Variants in METTL6 observed in about 807,000 individuals in gnomAD.
METTL6 encodes methyltransferase 6, tRNA N3-cytidine, also known as tRNA N(3)-cytidine methyltransferase METTL6.
In METTL6, 22 loss-of-function variants were observed where a neutral mutation model predicts 26.4. That is an observed-to-expected ratio of 0.83 (90% CI 0.59 to 1.19). The LOEUF is 1.19. Ranked by LOEUF, METTL6 falls within the 50% of genes most tolerant of loss-of-function variation. The pLI is 0.00. For synonymous variants in METTL6, 109 were observed against 116.2 expected (o/e 0.94, Z 0.40); for missense variants, 304 against 324.8 (o/e 0.94, Z 0.49).
chr3:15,414,357 C>T, intron 4 of METTL6, 195 bp from the exon 5 acceptor site: 12 of 1,118,540 alleles, frequency 1.1e-5, no homozygotes, highest in South Asian at 4.6e-5. Flanking sequence ...TAAGACACTT[C>T]TTTTTTTTTT....
Position 15,410,890 on chromosome 3 carries a change from A to C in METTL6, c.*366T>G, listed in dbSNP as rs551889554. ...GTCTCAAAAAATATATAAAGTAAAA[A>C]GAGTGATTTTATTTATTTATGAAAC... is the stretch of plus-strand genomic sequence containing the variant. On this transcript the variant is annotated 3_prime_UTR_variant, in exon 6 of 6. Transcript: ENST00000383790. 5.9e-6 allele frequency: 1 copy of C among 168,634 alleles called. No homozygotes were observed. Among genetic ancestry groups the C allele is most frequent in the Non-Finnish European group, 1.3e-5 (1 of 78,666 alleles). The allele number at this position is 168,634 out of a possible 1,614,324, so 10.4% of individuals were successfully genotyped here.
intron 4 of METTL6, chr3:15,415,350 T>C: frequency 1.4e-6 from 1 of 698,672 alleles, no homozygotes; most frequent in East Asian, 2.7e-5. Context: ...TTAGACAAGG[T>C]CTTGCTATGT....
intron 5 of METTL6, 124 bp from the exon 6 acceptor site, chr3:15,411,561 A>G: frequency 3.2e-6 from 3 of 949,876 alleles, no homozygotes; most frequent in Non-Finnish European, 4.5e-6. Flanking sequence ...CCTCAATGCT[A>G]AAATTTAAAG....
rs1453536879 is a variant in METTL6, at chr3:15,411,311, A to C, written c.800T>G (p.Leu267Arg). 6.2e-7 allele frequency: 1 copy of C among 1,614,118 alleles called. No individual in the cohort carries two copies. The highest frequency in any genetic ancestry group is 1.3e-5 in the African/African-American group (1 of 74,950). ...VPRVFLQSKF[L>R]KPPKNPSPVV... ...AGGAGATGGGTTCTTAGGAGGCTTT[A>C]GAAATTTGCTCTGAAGGAAAACTCT... is the stretch of plus-strand genomic sequence containing the variant. The change falls in exon 6 of 6, where the codon CTA (leucine) becomes CGA (arginine). Residue 267 changes from leucine to arginine, a missense_variant. Physicochemically the swap from Leu to Arg is moderately radical, Grantham distance 102. Coordinates refer to ENST00000383790, the MANE Select transcript of METTL6 (RefSeq NM_152396.4).
At chr3:15,390,918 C>T (rs1699327036) in intron 6 of METTL6, among the ~76,000 whole-genome samples, 1 of 151,754 alleles carries the variant, frequency 6.6e-6, no homozygotes, top group Non-Finnish European at 1.5e-5. Flanking sequence ...GTCACATGAA[C>T]AGATTGAAGG....
chr3:15,419,866 T>C (rs914692932), intron 3 of METTL6, among the ~76,000 whole-genome samples: 18 of 150,132 alleles, frequency 1.2e-4, no homozygotes, highest in African/African-American at 2.2e-4. Context: ...TTTTTCTTTT[T>C]TTTTTTTTTT....
At chr3:15,394,600 T>C (rs921655751) in intron 6 of METTL6, among the ~76,000 whole-genome samples, 1 of 152,250 alleles carries the variant, frequency 6.6e-6, no homozygotes, top group Non-Finnish European at 1.5e-5. Flanking sequence ...AGGGTGTCAA[T>C]TTTAGATCTT....
At chr3:15,384,209 G>A (rs1464624579) in intron 6 of METTL6, 2 of 357,496 alleles carry the variant, frequency 5.6e-6, no homozygotes, top group Non-Finnish European at 1.1e-5. Flanking sequence ...ACAAAAAAGA[G>A]ATAAAAGAAA....
At chr3:15,382,666 A>AC (rs1329029227) in exon 7 of METTL6, 1 of 150,298 alleles carries the variant, frequency 6.7e-6, no homozygotes, top group East Asian at 1.9e-4. Flanking sequence ...CTTGCTTCAA[A>AC]AAAAAAAAAA....
At chr3:15,417,839 A>C (rs2061522030) in intron 3 of METTL6, among the ~76,000 whole-genome samples, 1 of 152,138 alleles carries the variant, frequency 6.6e-6, no homozygotes, top group Non-Finnish European at 1.5e-5. Context: ...AAATTTGGAG[A>C]AGCAGAACAT....
intron 6 of METTL6, among the ~76,000 whole-genome samples, chr3:15,402,744 AAAAAAG>A (rs1559483881): frequency 6.6e-6 from 1 of 150,952 alleles, no homozygotes; most frequent in South Asian, 2.1e-4. Flanking sequence ...TCAAAAAAAA[AAAAAAG>A]AAAAAGAAAA....
At chr3:15,399,207 C>G (rs538644241) in intron 6 of METTL6, among the ~76,000 whole-genome samples, 124 of 152,040 alleles carry the variant, frequency 8.2e-4, no homozygotes, top group African/African-American at 2.9e-3. Context: ...CCCCTGCCCC[C>G]CCAACCCCTC....
At chr3:15,408,817 T>G (rs983745853), downstream of METTL6, among the ~76,000 whole-genome samples, 1 of 152,152 alleles carries the variant, frequency 6.6e-6, no homozygotes, top group Non-Finnish European at 1.5e-5. Context: ...AAATGGCCTG[T>G]CTTTATCCAG....
downstream of METTL6, among the ~76,000 whole-genome samples, chr3:15,408,085 C>T (rs531003609): frequency 1.8e-4 from 27 of 152,126 alleles, no homozygotes; most frequent in Non-Finnish European, 3.2e-4. Flanking sequence ...TACTTAAAAT[C>T]GTGTAATTTT....
intron 2 of METTL6, 85 bp downstream of exon 2, chr3:15,426,188 CTTGGCCTCCCCAAG>C: frequency 8.6e-7 from 1 of 1,169,068 alleles, no homozygotes. Flanking sequence ...ATCCGCCTGC[CTTGGCCTCCCCAAG>C]TACTGGGATT....
chr3:15,411,971 G>T (rs902408581), intron 5 of METTL6, among the ~76,000 whole-genome samples: 9 of 152,114 alleles, frequency 5.9e-5, no homozygotes, highest in Admixed American at 4.6e-4. Flanking sequence ...CGCCATGTTG[G>T]CCAGGCTGGT....
chr3:15,411,559 C>T (rs1699965675), intron 5 of METTL6, 122 bp from the exon 6 acceptor site: 6 of 968,130 alleles, frequency 6.2e-6, no homozygotes, highest in South Asian at 2.0e-5. Context: ...AACCTCAATG[C>T]TAAAATTTAA....
chr3:15,394,139 G>T (rs931622507), intron 6 of METTL6, among the ~76,000 whole-genome samples: 12 of 152,068 alleles, frequency 7.9e-5, no homozygotes, highest in Non-Finnish European at 1.8e-4. Context: ...GACTTTTTTT[G>T]GTTGGTAAGC....
At chr3:15,399,581 T>TGTGTGTGTGTG (rs1553626233) in intron 6 of METTL6, 1 of 118,916 alleles carries the variant, frequency 8.4e-6, no homozygotes, top group African/African-American at 3.1e-5. Context: ...TGTGTGTGTG[T>TGTGTGTGTGTG]TGGAGGCTGG....
Sources: allele counts gnomAD v4.1 joint callset (sites outside exome capture counted in the v4.1 genomes callset), GRCh38; gene constraint gnomAD v4.1.1; transcripts MANE v1.5; gene names NCBI Gene and HGNC (gene_info 2026-07-23, HGNC 2026-07-21).